Variants in RDX observed in about 807,000 individuals in gnomAD.
RDX encodes radixin.
Under a neutral mutation model 83.7 loss-of-function variants are expected in RDX, and 32 were observed. That is an observed-to-expected ratio of 0.38 (90% confidence interval 0.29 to 0.51). RDX has a LOEUF of 0.51. Ranked by LOEUF, RDX falls within the 20% of genes least tolerant of loss-of-function variation. The pLI is 0.87. For synonymous variants in RDX, 229 were observed against 222.7 expected (o/e 1.03, Z -0.25); for missense variants, 600 against 689.9 (o/e 0.87, Z 1.46).
intron 14 of RDX, among the ~76,000 whole-genome samples, chr11:110,224,316 C>T (rs1214458970): frequency 6.6e-6 from 1 of 151,848 alleles, no homozygotes; most frequent in African/African-American, 2.4e-5. Flanking sequence ...GTCTGATAAA[C>T]TATTGTTATA....
At chr11:110,192,984 A>C (rs1863131699) in intron 15 of RDX, among the ~76,000 whole-genome samples, 1 of 152,216 alleles carries the variant, frequency 6.6e-6, no homozygotes, top group African/African-American at 2.4e-5. Context: ...TTAAAACAGA[A>C]CTATCATTTG....
chr11:110,253,925 GAAAGGTCAT>G lies in RDX; in HGVS notation c.959+12_959+20del. 1.2e-6 allele frequency: 2 copies of G among 1,611,880 alleles called. No homozygotes were observed. The highest frequency in any genetic ancestry group is 1.7e-6 in the Non-Finnish European group (2 of 1,178,814). ...TAGCCTACTCCTATCAATTAAAAGT[GAAAGGTCAT>G]AAACCCCATACCTTTCCAACTGCTT... On this transcript the variant is annotated intron_variant, in intron 9 of 13. Coordinates refer to ENST00000645495, the MANE Select transcript of RDX (RefSeq NM_002906.4).
At chr11:110,258,599 T>A (rs7102574) in intron 5 of RDX, among the ~76,000 whole-genome samples, 14 of 151,844 alleles carry the variant, frequency 9.2e-5, no homozygotes, top group Admixed American at 6.6e-4. Context: ...AGATAGCTTA[T>A]AGGAACCCAA....
chr11:110,259,377 T>C (rs1346040772), intron 5 of RDX, among the ~76,000 whole-genome samples: 1 of 152,244 alleles, frequency 6.6e-6, no homozygotes, highest in Non-Finnish European at 1.5e-5. Flanking sequence ...TCACCTTTAT[T>C]TACCAGATCC....
chr11:110,208,310 G>A (rs1057456965), intron 14 of RDX, among the ~76,000 whole-genome samples: 4 of 152,068 alleles, frequency 2.6e-5, no homozygotes, highest in Admixed American at 6.6e-5. Flanking sequence ...GCATTTATTC[G>A]GGAGGTTAAC....
At chr11:110,202,489 G>A (rs1160258687) in intron 14 of RDX, among the ~76,000 whole-genome samples, 1 of 151,948 alleles carries the variant, frequency 6.6e-6, no homozygotes, top group Non-Finnish European at 1.5e-5. Context: ...CATGATCATG[G>A]TTTACTGAAG....
chr11:110,292,476 A>C (rs1414634319), intron 1 of RDX, among the ~76,000 whole-genome samples: 1 of 152,134 alleles, frequency 6.6e-6, no homozygotes, highest in Non-Finnish European at 1.5e-5. Flanking sequence ...TTTTCAAAAA[A>C]AAATGAAGAA....
Position 110,237,546 on chromosome 11 carries a change from T to C in RDX, c.1197A>G (p.Ala399=), listed in dbSNP as rs1864908994. The change falls in exon 11 of 14, where the codon GCA becomes GCG. Residue 399 remains alanine (A), a synonymous_variant. Coordinates refer to ENST00000645495, the MANE Select transcript of RDX (RefSeq NM_002906.4). ...CAGCTTGTTTTGCTATGGCAGACTTTGCCTCTTCAGCAGCTCGACGCTCCT... is the reference window on the plus strand; with the variant it reads ...CAGCTTGTTTTGCTATGGCAGACTTCGCCTCTTCAGCAGCTCGACGCTCCT... The part of the protein sequence containing the change: ...LEKERRAAEE[A]KSAIAKQAAD... 2 of 1,613,622 alleles carry C rather than the reference T, an allele frequency of 1.2e-6. No homozygotes were observed. Among genetic ancestry groups the C allele is most frequent in the Non-Finnish European group, 8.5e-7 (1 of 1,180,032 alleles).
At chr11:110,192,149 G>T (rs1006711313) in intron 15 of RDX, among the ~76,000 whole-genome samples, 1 of 152,166 alleles carries the variant, frequency 6.6e-6, no homozygotes, top group Non-Finnish European at 1.5e-5. Context: ...CTGTAAGGCT[G>T]CCATAACCAA....
chr11:110,294,739 A>C (rs1861377865), intron 1 of RDX, among the ~76,000 whole-genome samples: 1 of 151,832 alleles, frequency 6.6e-6, no homozygotes, highest in Non-Finnish European at 1.5e-5. Flanking sequence ...AAACAAAAGG[A>C]CAGACTCAAC....
intron 1 of RDX, among the ~76,000 whole-genome samples, chr11:110,289,214 G>C (rs552323931): frequency 2.1e-5 from 3 of 143,398 alleles, no homozygotes; most frequent in East Asian, 4.0e-4. Flanking sequence ...CTCCAGCCTC[G>C]GCAACAAGAG....
intron 3 of RDX, among the ~76,000 whole-genome samples, chr11:110,265,658 T>C (rs1860009087): frequency 6.6e-6 from 1 of 152,174 alleles, no homozygotes; most frequent in African/African-American, 2.4e-5. Flanking sequence ...CAAGAAACCA[T>C]TCTTAGAACA....
In RDX at chr11:110,231,697, T is replaced by A. The variant is rs1042520656; in HGVS notation, c.*172A>T. On this transcript the variant is annotated 3_prime_UTR_variant, in exon 14 of 14. Transcript: ENST00000645495. ...AGAAAAAAGAAAACCAAGCATGATA[T>A]CATACTGCCTTAATGTTGAAGAGCT... is the stretch of plus-strand genomic sequence containing the variant. The A allele has an allele frequency of 4.2e-6, 3 of 717,720 alleles. No homozygotes were observed. The African/African-American group carries it at 5.2e-5, about 13-fold the overall frequency. 44.5% of individuals were successfully genotyped at this position (717,720 alleles called of 1,614,324 possible).
intron 1 of RDX, among the ~76,000 whole-genome samples, chr11:110,294,750 G>C (rs1861378412): frequency 6.6e-6 from 1 of 151,686 alleles, no homozygotes; most frequent in Non-Finnish European, 1.5e-5. Context: ...CAGACTCAAC[G>C]TATTTTCCCT....
chr11:110,188,570 G>A (rs73553555), intron 15 of RDX, among the ~76,000 whole-genome samples: 6,297 of 151,998 alleles, frequency 0.041, 447 homozygotes, highest in African/African-American at 0.14. Context: ...TACACTGCTC[G>A]GGTGATGGGT....
chr11:110,203,650 C>T (rs1486876265), intron 14 of RDX, among the ~76,000 whole-genome samples: 1 of 151,852 alleles, frequency 6.6e-6, no homozygotes, highest in Non-Finnish European at 1.5e-5. Context: ...TAAATATATA[C>T]TTATGTGCCC....
At position 110,254,243 on chromosome 11, in the gene RDX, A is replaced by C. The variant is rs545272304; in HGVS notation, c.796-134T>G. The stretch of plus-strand genomic sequence containing the variant: ...ATAGTTTAGAAATAAGAAATCATAC[A>C]ATTTCATAACTCCCAGTGAGCATGA... On this transcript the variant is annotated intron_variant, in intron 8 of 13. Coordinates refer to ENST00000645495, the MANE Select transcript of RDX (RefSeq NM_002906.4). 4.4e-5 allele frequency: 34 copies of C among 765,386 alleles called. No homozygotes were observed. The African/African-American group carries it at 5.2e-4, about 12-fold the overall frequency. The allele number at this position is 765,386 out of a possible 1,614,324, so 47.4% of individuals were successfully genotyped here.
intron 7 of RDX, among the ~76,000 whole-genome samples, chr11:110,257,166 CAT>C (rs1338804411): frequency 1.3e-4 from 20 of 150,854 alleles, no homozygotes; most frequent in African/African-American, 4.9e-4. Flanking sequence ...TGTAAATATA[CAT>C]ATATTATACA....
At chr11:110,187,523 C>A (rs1863010765) in intron 15 of RDX, among the ~76,000 whole-genome samples, 1 of 152,228 alleles carries the variant, frequency 6.6e-6, no homozygotes, top group African/African-American at 2.4e-5. Context: ...CTCCAGCAAT[C>A]TGGAGCACCC....
Sources: gnomAD v4.1 joint callset for allele counts (sites outside exome capture counted in the v4.1 genomes callset) on GRCh38, gnomAD v4.1.1 for gene constraint, MANE v1.5 for transcripts, NCBI Gene and HGNC (gene_info 2026-07-23, HGNC 2026-07-21) for gene names.